The following SERPINB13 variants were observed in gnomAD, a reference collection of about 807,000 sequenced individuals.
The protein encoded by SERPINB13 is serpin B13.
A neutral mutation model predicts 31.2 loss-of-function variants in SERPINB13; 26 were observed. That is an observed-to-expected ratio of 0.83 (90% CI 0.61 to 1.15). The LOEUF (loss-of-function observed/expected upper bound fraction) is 1.15. SERPINB13 is among the 50% of genes most tolerant of loss of function. SERPINB13 has a pLI of 0.00. For synonymous variants in SERPINB13, 191 were observed against 172.4 expected, an observed-to-expected ratio of 1.11 and a Z score of -0.85; for missense variants, 510 against 469.4, an observed-to-expected ratio of 1.09 and a Z score of -0.80.
At chr18:63,595,349 G>A (rs1912103761) in intron 7 of SERPINB13, among the ~76,000 whole-genome samples, 165 bp downstream of exon 7, 2 of 152,132 alleles carry the variant, frequency 1.3e-5, no homozygotes, top group Admixed American at 1.3e-4. Flanking sequence ...GTATGGGTCA[G>A]GTTTATTGAG....
intron 7 of SERPINB13, among the ~76,000 whole-genome samples, chr18:63,595,636 AC>A (rs1912119034): frequency 6.6e-6 from 1 of 152,178 alleles, no homozygotes; most frequent in Non-Finnish European, 1.5e-5. Flanking sequence ...GTGGTGGCTC[AC>A]GCCTGTAATC....
chr18:63,592,437 CA>C lies in SERPINB13; in HGVS notation c.317del (p.Asn106ThrfsTer16). On this transcript the variant is annotated frameshift_variant, in exon 4 of 8. Transcript: ENST00000344731. LOFTEE classifies it high-confidence loss of function. ...LTNDYELNITNRLFGEKTYLF... is the reference protein window; with the variant it reads ...LTNDYELNITXRLFGEKTYLF... ...CTAATGATTATGAACTGAACATAAC[CA>C]ACAGGCTGTTTGGAGAAAAAACATA... 6.2e-7 allele frequency: 1 copy of C among 1,613,200 alleles called. No homozygotes were observed. The highest frequency in any genetic ancestry group is 8.5e-7 in the Non-Finnish European group (1 of 1,179,626).
chr18:63,597,386 C>T lies in SERPINB13; in HGVS notation c.*23C>T. On this transcript the variant is annotated 3_prime_UTR_variant, in exon 8 of 8. Transcript: ENST00000344731. ...TAAGATGATCGTTGCCATGGCATTG[C>T]TGCTTTTAGCAAAAAACAACTACCA... The T allele has an allele frequency of 6.3e-7, 1 of 1,579,522 alleles. No individual in the cohort carries two copies. Among genetic ancestry groups the T allele is most frequent in the Non-Finnish European group, 8.6e-7 (1 of 1,161,028 alleles).
intron 2 of SERPINB13, 92 bp downstream of exon 2, chr18:63,588,924 G>T (rs1408278679): frequency 4.5e-6 from 6 of 1,330,262 alleles, no homozygotes; most frequent in East Asian, 2.4e-5. Flanking sequence ...TTAAAAATAC[G>T]CTCTTCTTGA....
intron 3 of SERPINB13, among the ~76,000 whole-genome samples, chr18:63,591,444 C>CT (rs1406291163): frequency 8.5e-6 from 1 of 117,794 alleles, no homozygotes; most frequent in Non-Finnish European, 2.0e-5. Context: ...TCCTTCCTTC[C>CT]TTTTTTCTTT....
chr18:63,594,504 C>T lies in SERPINB13; in HGVS notation c.615+7C>T, dbSNP rs1329668576. 6.2e-7 allele frequency: 1 copy of T among 1,612,520 alleles called. No individual in the cohort carries two copies. The highest frequency in any genetic ancestry group is 1.1e-5 in the South Asian group (1 of 90,806). The stretch of plus-strand genomic sequence containing the variant: ...GAAATTTTGGATGAATAAGGTATGG[C>T]CCTTAGTTTATTTTCGTGATGTGCT... On this transcript the variant is annotated splice_region_variant and intron_variant, in intron 6 of 7. Transcript: ENST00000344731.
At chr18:63,589,333 A>G (rs1911706170) in intron 2 of SERPINB13, among the ~76,000 whole-genome samples, 2 of 152,014 alleles carry the variant, frequency 1.3e-5, no homozygotes, top group Non-Finnish European at 2.9e-5. Context: ...GCAGGTGCTT[A>G]TAATCCCAGC....
chr18:63,595,000 A>G (rs1316352480), intron 6 of SERPINB13, 29 bp from the exon 7 acceptor site: 2 of 1,583,328 alleles, frequency 1.3e-6, no homozygotes, highest in Non-Finnish European at 1.7e-6. Context: ...ATGTCCTTTG[A>G]TATTGTGTGC....
At chr18:63,592,008 A>T (rs147300492) in intron 3 of SERPINB13, among the ~76,000 whole-genome samples, 3 of 152,308 alleles carry the variant, frequency 2.0e-5, no homozygotes, top group African/African-American at 2.4e-5. Context: ...CTTTCCTTAG[A>T]TGCTTAGAAT....
At chr18:63,594,180 C>A in intron 5 of SERPINB13, 175 bp from the exon 6 acceptor site, 1 of 1,516,974 alleles carries the variant, frequency 6.6e-7, no homozygotes, top group Non-Finnish European at 8.9e-7. Flanking sequence ...AGGCGATGGG[C>A]AAAATGAGAA....
At chr18:63,589,883 G>T in intron 3 of SERPINB13, 168 bp downstream of exon 3, 1 of 1,339,674 alleles carries the variant, frequency 7.5e-7, no homozygotes. Flanking sequence ...AAATATTGTT[G>T]TAAGGATTAT....
In SERPINB13 at chr18:63,592,938, A is replaced by C; in HGVS notation, c.439A>C (p.Lys147Gln). The part of the protein sequence containing the change: ...FVNAADESRK[K>Q]INSWVESKTN... ...AAATGCAGCCGATGAAAGTCGAAAG[A>C]AGATTAATTCCTGGGTTGAAAGCAA... The change falls in exon 5 of 8, where the codon AAG (lysine) becomes CAG (glutamine). Residue 147 changes from lysine to glutamine, a missense_variant. Transcript: ENST00000344731. 6.2e-7 allele frequency: 1 copy of C among 1,613,318 alleles called. No individual in the cohort carries two copies. The highest frequency in any genetic ancestry group is 8.5e-7 in the Non-Finnish European group (1 of 1,179,540).
intron 1 of SERPINB13, 70 bp from the exon 2 acceptor site, chr18:63,588,581 A>G: frequency 2.0e-6 from 3 of 1,466,204 alleles, no homozygotes; most frequent in Non-Finnish European, 2.8e-6. Context: ...GAGGAATAGA[A>G]GCAGAAAGGA....
At chr18:63,589,755 G>A in intron 3 of SERPINB13, 40 bp downstream of exon 3, 3 of 1,613,674 alleles carry the variant, frequency 1.9e-6, no homozygotes, top group Non-Finnish European at 2.5e-6. Context: ...GGGGAGATGT[G>A]TTTTACAAAC....
intron 1 of SERPINB13, among the ~76,000 whole-genome samples, chr18:63,588,388 C>G (rs1447465963): frequency 2.0e-5 from 3 of 152,112 alleles, no homozygotes; most frequent in African/African-American, 7.2e-5. Flanking sequence ...AGAATAAAGC[C>G]ATTAAAACAT....
chr18:63,588,094 T>C (rs928445565), intron 1 of SERPINB13, among the ~76,000 whole-genome samples: 2 of 152,142 alleles, frequency 1.3e-5, no homozygotes, highest in Admixed American at 6.5e-5. Flanking sequence ...GTTTAAGAGA[T>C]TTAATCAATC....
At chr18:63,596,903 T>C (rs1244669357) in intron 7 of SERPINB13, 56 bp from the exon 8 acceptor site, 2 of 1,400,792 alleles carry the variant, frequency 1.4e-6, no homozygotes, top group Non-Finnish European at 1.9e-6. Flanking sequence ...AGTGTTACAC[T>C]GTTTTAGATT....
rs779659751 is a variant in SERPINB13, at chr18:63,592,871, T to C, written c.372T>C (p.Val124=). The C allele has an allele frequency of 6.3e-7, 1 of 1,597,684 alleles. No homozygotes were observed. The highest frequency in any genetic ancestry group is 1.1e-5 in the South Asian group (1 of 87,826). The part of the protein sequence containing the change: ...YLFLQKYLDY[V]EKYYHASLEP... ...TCCTAAAGAAATACTTAGATTATGTTGAAAAATATTATCATGCATCTCTGG... is the reference window on the plus strand; with the variant it reads ...TCCTAAAGAAATACTTAGATTATGTCGAAAAATATTATCATGCATCTCTGG... Residue 124 remains valine, a synonymous_variant, in exon 5 of 8, where the codon GTT becomes GTC. Coordinates refer to ENST00000344731, the MANE Select transcript of SERPINB13 (RefSeq NM_012397.4).
At chr18:63,594,882 A>G in intron 6 of SERPINB13, 147 bp from the exon 7 acceptor site, 1 of 726,648 alleles carries the variant, frequency 1.4e-6, no homozygotes, top group Non-Finnish European at 2.2e-6. Context: ...GCAAATGCAT[A>G]CTGGTAGATA....
Sources: allele counts gnomAD v4.1 joint callset (sites outside exome capture counted in the v4.1 genomes callset), GRCh38; gene constraint gnomAD v4.1.1; transcripts MANE v1.5; gene names NCBI Gene and HGNC (gene_info 2026-07-23, HGNC 2026-07-21).